PCDHGA3: variants seen among roughly 807,000 people sequenced by gnomAD.
PCDHGA3 encodes protocadherin gamma-A3.
PCDHGA3 carries 40 observed loss-of-function variants against 58.5 expected under a neutral mutation model. The ratio of observed to expected loss-of-function variants is 0.68; its 90% CI spans 0.53 to 0.89. The LOEUF is 0.89. PCDHGA3 is among the 40% of genes least tolerant of loss of function. The pLI, the probability that PCDHGA3 is intolerant of heterozygous loss-of-function variation, is 0.00. For synonymous variants in PCDHGA3, 530 were observed against 525.7 expected (o/e 1.01, Z -0.11); for missense variants, 1,223 against 1,195.9 (o/e 1.02, Z -0.33).
At position 141,351,884 on chromosome 5, in the gene PCDHGA3, G is replaced by A. The variant is rs755575621; in HGVS notation, c.2424+5427G>A. On this transcript the variant is annotated intron_variant, in intron 1 of 3. Coordinates refer to ENST00000253812, the MANE Select transcript of PCDHGA3 (RefSeq NM_018916.4). ...GGGCTCCCCCGCGCTCAGCGCCAAC[G>A]TGAGCCTGCGCGTGTTGGTGGGCGA... 6.8e-6 allele frequency: 11 copies of A among 1,613,248 alleles called. No individual in the cohort carries two copies. In the East Asian group the frequency reaches 1.8e-4, roughly 26 times the overall value.
intron 3 of PCDHGA3, 73 bp from the exon 4 acceptor site, chr5:141,510,874 G>C: frequency 6.2e-7 from 1 of 1,610,126 alleles, no homozygotes; most frequent in Non-Finnish European, 8.5e-7. Context: ...TTCATTAACT[G>C]CTGGGGATAT....
chr5:141,371,120 T>C, intron 1 of PCDHGA3: 1 of 1,613,974 alleles, frequency 6.2e-7, no homozygotes, highest in Non-Finnish European at 8.5e-7. Flanking sequence ...CCCCAGTATT[T>C]ACTCAGGACA....
chr5:141,380,433 A>G (rs1228885429), intron 1 of PCDHGA3, among the ~76,000 whole-genome samples: 1 of 152,256 alleles, frequency 6.6e-6, no homozygotes, highest in Non-Finnish European at 1.5e-5. Context: ...TAGACTTTAC[A>G]TAGAATTCTT....
intron 1 of PCDHGA3, among the ~76,000 whole-genome samples, chr5:141,397,283 A>G: frequency 6.6e-6 from 1 of 152,232 alleles, no homozygotes; most frequent in East Asian, 1.9e-4. Context: ...TGGGCAGTAT[A>G]CTTGAATGAA....
At chr5:141,364,463 G>T (rs1561530846) in intron 1 of PCDHGA3, 2 of 1,614,000 alleles carry the variant, frequency 1.2e-6, no homozygotes, top group Admixed American at 1.7e-5. Context: ...AGGCTCCTTC[G>T]TCGGCAACAT....
intron 1 of PCDHGA3, chr5:141,427,677 C>G: frequency 1.2e-6 from 1 of 816,672 alleles, no homozygotes; most frequent in Non-Finnish European, 2.1e-6. Context: ...AAACAACCTT[C>G]CCGGAGCCTC....
At chr5:141,413,221 G>C (rs1384304697) in intron 1 of PCDHGA3, 1 of 1,613,570 alleles carries the variant, frequency 6.2e-7, no homozygotes, top group South Asian at 1.1e-5. Context: ...GGATTGCAGC[G>C]GGCTGGTCCT....
chr5:141,505,645 G>A (rs997169182), intron 3 of PCDHGA3, 164 bp downstream of exon 3: 2 of 964,274 alleles, frequency 2.1e-6, no homozygotes, highest in African/African-American at 1.8e-5. Flanking sequence ...GCCTGGAATT[G>A]TGGCTAAGGA....
chr5:141,413,682 C>G, intron 1 of PCDHGA3: 1 of 1,613,798 alleles, frequency 6.2e-7, no homozygotes, highest in South Asian at 1.1e-5. Context: ...TGGGCGTGAA[C>G]TCCCTGCAGA....
chr5:141,500,894 C>G (rs1221911920), intron 2 of PCDHGA3, among the ~76,000 whole-genome samples: 1 of 150,982 alleles, frequency 6.6e-6, no homozygotes, highest in African/African-American at 2.4e-5. Flanking sequence ...TTTTTTGAGA[C>G]AGTCTCGCTC....
chr5:141,501,664 TATAG>T (rs1161034391), intron 2 of PCDHGA3, among the ~76,000 whole-genome samples: 1 of 152,064 alleles, frequency 6.6e-6, no homozygotes, highest in East Asian at 1.9e-4. Flanking sequence ...TGTTGGAAAA[TATAG>T]ATAATCACAA....
Position 141,485,790 on chromosome 5 carries a change from C to T in PCDHGA3, c.2425-9017C>T. On this transcript the variant is annotated intron_variant, in intron 1 of 3. Transcript: ENST00000253812. This position sits in a 1 kb window ranked among gnomAD's most constrained non-coding sequence, Gnocchi z 5.7. The stretch of plus-strand genomic sequence containing the variant: ...AAGCCTTTGGATCGAGAGAAGCAAT[C>T]GGACTACCGCCTGGTGCTGACTGCT... 6.2e-7 allele frequency: 1 copy of T among 1,614,204 alleles called. No homozygotes were observed. Among genetic ancestry groups the T allele is most frequent in the Non-Finnish European group, 8.5e-7 (1 of 1,180,032 alleles).
intron 1 of PCDHGA3, chr5:141,365,690 C>T: frequency 1.2e-6 from 2 of 1,613,562 alleles, no homozygotes; most frequent in South Asian, 2.2e-5. Flanking sequence ...CAATTTCCCT[C>T]AAGCCTCCTA....
rs1405589878 is a variant in PCDHGA3 at position 141,504,323 on chromosome 5, T to A, written c.2484-1070T>A. On this transcript the variant is annotated intron_variant, in intron 2 of 3. Transcript: ENST00000253812. ...CACTCGGAGTTTCTAAAAGTCTCAC[T>A]TAGGTCCAAGTGCTAGGCTTTGTGC... Among the ~76,000 whole-genome samples, 4 of 152,114 alleles carry A rather than the reference T, an allele frequency of 2.6e-5. No individual in the cohort carries two copies. In the East Asian group the frequency reaches 7.7e-4, roughly 29 times the overall value.
At chr5:141,361,005 C>T (rs371836659) in intron 1 of PCDHGA3, 3 of 1,613,186 alleles carry the variant, frequency 1.9e-6, no homozygotes, top group Non-Finnish European at 2.5e-6. Context: ...AAGTGAAACA[C>T]TTTTTCAACT....
chr5:141,395,259 C>A, intron 1 of PCDHGA3: 1 of 1,551,968 alleles, frequency 6.4e-7, no homozygotes, highest in South Asian at 1.2e-5. Context: ...TCTTTGCTTG[C>A]TTTTAATTTC....
intron 1 of PCDHGA3, chr5:141,374,341 C>G: frequency 7.4e-6 from 12 of 1,613,988 alleles, no homozygotes; most frequent in Non-Finnish European, 8.5e-6. Flanking sequence ...GCTTGGTCAC[C>G]GCGGGTAGGA....
intron 1 of PCDHGA3, chr5:141,371,845 A>G: frequency 6.2e-7 from 1 of 1,613,664 alleles, no homozygotes; most frequent in Non-Finnish European, 8.5e-7. Flanking sequence ...TTGGGACCTA[A>G]TGGCCTTGTC....
In PCDHGA3 at chr5:141,489,307, T is replaced by A; in HGVS notation, c.2425-5500T>A. On this transcript the variant is annotated intron_variant, in intron 1 of 3. Transcript: ENST00000253812. The surrounding 1 kb of genome is among the most constrained non-coding windows in gnomAD (Gnocchi z 4.5). ...AGTGCTGTGCATGTTGTCCTTGTGCTGCTGGGGCTGGGTGTCTGGGCAGCT... is the reference window on the plus strand; with the variant it reads ...AGTGCTGTGCATGTTGTCCTTGTGCAGCTGGGGCTGGGTGTCTGGGCAGCT... The A allele has an allele frequency of 6.3e-7, 1 of 1,591,138 alleles. No individual in the cohort carries two copies. The highest frequency in any genetic ancestry group is 8.6e-7 in the Non-Finnish European group (1 of 1,168,222).
Sources: allele counts gnomAD v4.1 joint callset (sites outside exome capture counted in the v4.1 genomes callset), GRCh38; gene constraint gnomAD v4.1.1; non-coding constraint Gnocchi (gnomAD v3.1); transcripts MANE v1.5; gene names NCBI Gene and HGNC (gene_info 2026-07-23, HGNC 2026-07-21).